Variants in VPS41 observed in about 807,000 individuals in gnomAD.
VPS41 encodes the protein vacuolar protein sorting-associated protein 41 homolog.
In VPS41, 85 loss-of-function variants were observed where a neutral mutation model predicts 130.9. The ratio of observed to expected loss-of-function variants is 0.65; its 90% CI spans 0.55 to 0.78. The LOEUF (loss-of-function observed/expected upper bound fraction) is 0.78. Among genes scored for constraint, VPS41 ranks in the 30% least tolerant of loss-of-function variants. The pLI is 0.00. For synonymous variants in VPS41, 335 were observed against 332.9 expected (o/e 1.01, Z -0.07); for missense variants, 874 against 1,018.7 (o/e 0.86, Z 1.93).
At chr7:38,734,735 T>G (rs1010851859) in intron 25 of VPS41, among the ~76,000 whole-genome samples, 2 of 152,242 alleles carry the variant, frequency 1.3e-5, no homozygotes, top group Non-Finnish European at 2.9e-5. Flanking sequence ...AATTTTTATT[T>G]TAAAAGATTC....
intron 2 of VPS41, among the ~76,000 whole-genome samples, chr7:38,870,539 C>G (rs1015420924): frequency 6.6e-6 from 1 of 151,784 alleles, no homozygotes; most frequent in Non-Finnish European, 1.5e-5. Context: ...AGGGTGACTC[C>G]TCTTCAGAGA....
At chr7:38,874,819 CTAAT>C (rs1433227249) in intron 2 of VPS41, among the ~76,000 whole-genome samples, 2 of 152,142 alleles carry the variant, frequency 1.3e-5, no homozygotes, top group Non-Finnish European at 2.9e-5. Context: ...TTCTAGAACT[CTAAT>C]TACCTATGGG....
intron 25 of VPS41, among the ~76,000 whole-genome samples, chr7:38,733,106 G>A (rs1795700603): frequency 6.6e-6 from 1 of 152,154 alleles, no homozygotes; most frequent in East Asian, 1.9e-4. Context: ...GAGATTACAG[G>A]CATGAACCAC....
intron 2 of VPS41, among the ~76,000 whole-genome samples, chr7:38,869,554 C>T (rs1426457450): frequency 1.3e-5 from 2 of 152,086 alleles, no homozygotes; most frequent in African/African-American, 4.8e-5. Flanking sequence ...TATTCTTAAT[C>T]CTCACAGTTA....
chr7:38,894,132 CA>C (rs924194732), intron 2 of VPS41, among the ~76,000 whole-genome samples: 7 of 151,840 alleles, frequency 4.6e-5, no homozygotes, highest in African/African-American at 1.5e-4. Context: ...GCCTGTCCTT[CA>C]AAAAAAGTTT....
At chr7:38,908,558 G>C (rs541922916) in intron 1 of VPS41, among the ~76,000 whole-genome samples, 3 of 152,164 alleles carry the variant, frequency 2.0e-5, no homozygotes, top group African/African-American at 4.8e-5. Flanking sequence ...CTCTGAGGAC[G>C]GCCTTATTAT....
At chr7:38,754,401 T>G (rs1280245190) in intron 21 of VPS41, among the ~76,000 whole-genome samples, 1 of 152,148 alleles carries the variant, frequency 6.6e-6, no homozygotes, top group Non-Finnish European at 1.5e-5. Context: ...TAGTTAAATA[T>G]ATAGTTATGT....
intron 2 of VPS41, among the ~76,000 whole-genome samples, chr7:38,890,119 C>G (rs138255507): frequency 6.6e-6 from 1 of 151,952 alleles, no homozygotes; most frequent in East Asian, 1.9e-4. Context: ...AAGTAACGCA[C>G]AGGAAAGAAA....
At chr7:38,826,512 G>T (rs1380566995) in intron 5 of VPS41, among the ~76,000 whole-genome samples, 1 of 152,102 alleles carries the variant, frequency 6.6e-6, no homozygotes, top group African/African-American at 2.4e-5. Context: ...AGAAAAACAG[G>T]AAGATGACGA....
intron 6 of VPS41, among the ~76,000 whole-genome samples, chr7:38,820,580 A>T (rs1785150788): frequency 6.6e-6 from 1 of 152,150 alleles, no homozygotes; most frequent in South Asian, 2.1e-4. Context: ...ATATTTAGTA[A>T]TTTCTAGTTA....
chr7:38,856,121 G>C (rs1378282441), intron 4 of VPS41, among the ~76,000 whole-genome samples: 2 of 152,238 alleles, frequency 1.3e-5, no homozygotes, highest in Admixed American at 6.5e-5. Flanking sequence ...TCATCTTGAG[G>C]ACTCCACCCT....
chr7:38,771,671 T>TA (rs141775142), intron 13 of VPS41, among the ~76,000 whole-genome samples: 2 of 152,168 alleles, frequency 1.3e-5, no homozygotes, highest in Non-Finnish European at 2.9e-5. Context: ...TATGTTTCAA[T>TA]AAAAAAGTGA....
intron 22 of VPS41, among the ~76,000 whole-genome samples, chr7:38,751,511 A>C (rs1271266907): frequency 6.6e-6 from 1 of 152,206 alleles, no homozygotes; most frequent in Non-Finnish European, 1.5e-5. Flanking sequence ...CCGAACTAGG[A>C]TCTTGCATGT....
intron 2 of VPS41, among the ~76,000 whole-genome samples, chr7:38,892,491 G>T (rs1364696943): frequency 6.6e-6 from 1 of 152,156 alleles, no homozygotes; most frequent in African/African-American, 2.4e-5. Flanking sequence ...TATCAGGGTA[G>T]ACTTCTCACA....
chr7:38,730,975 G>A (rs1405117271), intron 25 of VPS41, among the ~76,000 whole-genome samples: 1 of 152,110 alleles, frequency 6.6e-6, no homozygotes, highest in Non-Finnish European at 1.5e-5. Flanking sequence ...TTCTAAACAG[G>A]TACAATCTGT....
chr7:38,792,471 C>T (rs144330712), intron 9 of VPS41, among the ~76,000 whole-genome samples: 47 of 152,308 alleles, frequency 3.1e-4, no homozygotes, highest in Middle Eastern at 3.4e-3. Context: ...TGTTAGGTGA[C>T]TGTGATCTTA....
In VPS41 at chr7:38,864,836, TC is replaced by T. The variant is rs137899023; in HGVS notation, c.169-2215del. Among the ~76,000 whole-genome samples the T allele has an allele frequency of 4.5e-3, 678 of 152,242 alleles. 4 individuals carry two copies. The highest frequency in any genetic ancestry group is 0.015 in the African/African-American group (617 of 41,550). ...ATAAATATAATTTCACTAGACCCTT[TC>T]ATGTTTAATTACAGAAACTTGACTC... On this transcript the variant is annotated intron_variant, in intron 3 of 28. Transcript: ENST00000310301.
chr7:38,897,785 G>C (rs1787040744), intron 2 of VPS41, among the ~76,000 whole-genome samples: 1 of 152,196 alleles, frequency 6.6e-6, no homozygotes, highest in African/African-American at 2.4e-5. Context: ...AAGCAGGTGA[G>C]GGGGATGTTA....
At chr7:38,729,367 T>C (rs947352537) in intron 25 of VPS41, among the ~76,000 whole-genome samples, 2 of 152,208 alleles carry the variant, frequency 1.3e-5, no homozygotes, top group African/African-American at 4.8e-5. Flanking sequence ...TATCTTTTTC[T>C]TTCCAAATCT....
Sources: allele counts gnomAD v4.1 joint callset (sites outside exome capture counted in the v4.1 genomes callset), GRCh38; gene constraint gnomAD v4.1.1; transcripts MANE v1.5; gene names NCBI Gene and HGNC (gene_info 2026-07-23, HGNC 2026-07-21).